DGKI: variants seen among roughly 807,000 people sequenced by gnomAD.
DGKI encodes DAG kinase iota.
Under a neutral mutation model 147.5 loss-of-function variants are expected in DGKI, and 55 were observed. The ratio of observed to expected loss-of-function variants is 0.37; its 90% CI spans 0.30 to 0.47. The LOEUF is 0.47. DGKI is among the 20% of genes least tolerant of loss of function. DGKI has a pLI of 1.00. For missense variants in DGKI, 1,007 were observed against 1,323.8 expected (o/e 0.76, Z 3.71); for synonymous variants, 469 against 477.1 (o/e 0.98, Z 0.22).
At chr7:137,407,268 TAG>T (rs1245947851) in intron 30 of DGKI, among the ~76,000 whole-genome samples, 3 of 152,238 alleles carry the variant, frequency 2.0e-5, no homozygotes, top group African/African-American at 7.2e-5. Context: ...GCAGATGCTA[TAG>T]CGCATGCTAC....
intron 28 of DGKI, among the ~76,000 whole-genome samples, chr7:137,439,314 A>G (rs943924643): frequency 6.6e-6 from 1 of 152,176 alleles, no homozygotes; most frequent in Non-Finnish European, 1.5e-5. Context: ...TCATGTTGCT[A>G]ATAAAGACAT....
At chr7:137,420,494 T>C (rs1448453901) in intron 28 of DGKI, among the ~76,000 whole-genome samples, 1 of 152,114 alleles carries the variant, frequency 6.6e-6, no homozygotes, top group East Asian at 1.9e-4. Context: ...TAATCAACAG[T>C]CTTTTTACCT....
chr7:137,410,830 G>A (rs997739895), intron 29 of DGKI, among the ~76,000 whole-genome samples: 24 of 152,196 alleles, frequency 1.6e-4, no homozygotes, highest in African/African-American at 5.3e-4. Context: ...AGGATGGTAT[G>A]GGCTTAATCC....
intron 12 of DGKI, among the ~76,000 whole-genome samples, chr7:137,590,332 T>C (rs1819563992): frequency 6.6e-6 from 1 of 152,138 alleles, no homozygotes; most frequent in Non-Finnish European, 1.5e-5. Context: ...CCAGAAAGCC[T>C]CACTCTGGTA....
At chr7:137,422,480 A>G (rs1812610294) in intron 28 of DGKI, among the ~76,000 whole-genome samples, 1 of 151,754 alleles carries the variant, frequency 6.6e-6, no homozygotes, top group Non-Finnish European at 1.5e-5. Context: ...ATATAAATTC[A>G]TTTCTAACAT....
chr7:137,428,236 G>C (rs1211362114), intron 28 of DGKI, among the ~76,000 whole-genome samples: 6 of 151,590 alleles, frequency 4.0e-5, no homozygotes, highest in African/African-American at 7.3e-5. Flanking sequence ...GGGATGCAAG[G>C]CTGGTTCAAT....
chr7:137,432,382 C>T (rs1439421840), intron 28 of DGKI, among the ~76,000 whole-genome samples: 2 of 152,136 alleles, frequency 1.3e-5, no homozygotes, highest in African/African-American at 4.8e-5. Context: ...GCAAATGAGA[C>T]ATATGAGGTC....
chr7:137,749,952 T>G (rs1415503604), intron 1 of DGKI, among the ~76,000 whole-genome samples: 1 of 151,526 alleles, frequency 6.6e-6, no homozygotes, highest in Non-Finnish European at 1.5e-5. Context: ...CTCAGTGGGG[T>G]TGGGTAGGAG....
At chr7:137,731,312 T>A (rs1459890936) in intron 1 of DGKI, among the ~76,000 whole-genome samples, 1 of 152,118 alleles carries the variant, frequency 6.6e-6, no homozygotes, top group Non-Finnish European at 1.5e-5. Context: ...GCCTACAGAT[T>A]TATTATTTGT....
rs1160968814 is a variant in DGKI at position 137,384,991 on chromosome 7, G to A, written c.*6229C>T. 10 of 152,022 alleles carry A rather than the reference G, an allele frequency of 6.6e-5. No individual in the cohort carries two copies. The highest frequency in any genetic ancestry group is 1.0e-4 in the Non-Finnish European group (7 of 67,988). 9.4% of individuals were successfully genotyped at this position (152,022 alleles called of 1,614,324 possible). A position where few individuals can be genotyped will look rare whatever the true frequency, so the allele number is the denominator to read the frequency against. ...AGAGTTTTCCATGATTGCCTTTCAT[G>A]TACATTTACTTGGCTCCCAAATACC... On this transcript the variant is annotated 3_prime_UTR_variant, in exon 33 of 33. Transcript: ENST00000614521.
In DGKI at chr7:137,381,574, C is replaced by T. The variant is rs1811062070; in HGVS notation, c.*9646G>A. 6.6e-6 allele frequency: 1 copy of T among 151,882 alleles called. No homozygotes were observed. Among genetic ancestry groups the T allele is most frequent in the South Asian group, 2.1e-4 (1 of 4,820 alleles). 9.4% of individuals were successfully genotyped at this position (151,882 alleles called of 1,614,324 possible). Reference sequence around the variant, plus strand: ...CTGGATGCCTGGGAACGTTTTCCCACTCAGAAATCAAATTAAATCAAATAT... The same window carrying T: ...CTGGATGCCTGGGAACGTTTTCCCATTCAGAAATCAAATTAAATCAAATAT... On this transcript the variant is annotated 3_prime_UTR_variant, in exon 33 of 33. Transcript: ENST00000614521.
At chr7:137,826,111 T>G (rs1179995596) in intron 1 of DGKI, among the ~76,000 whole-genome samples, 1 of 152,182 alleles carries the variant, frequency 6.6e-6, no homozygotes. Flanking sequence ...GGCCTGTGGG[T>G]CCAAGACTGT....
intron 21 of DGKI, among the ~76,000 whole-genome samples, chr7:137,514,768 C>T (rs944821560): frequency 6.6e-6 from 1 of 152,188 alleles, no homozygotes; most frequent in Non-Finnish European, 1.5e-5. Flanking sequence ...TCCAACTCTA[C>T]TACTTTAACT....
chr7:137,641,101 C>T (rs1821607733), intron 6 of DGKI, among the ~76,000 whole-genome samples: 1 of 152,150 alleles, frequency 6.6e-6, no homozygotes, highest in African/African-American at 2.4e-5. Context: ...GAATGAGTCT[C>T]ATGAGCTATG....
chr7:137,521,104 C>T lies in DGKI; in HGVS notation c.2248+762G>A, dbSNP rs193283418. Among the ~76,000 whole-genome samples, 12 of 152,076 alleles carry T rather than the reference C, an allele frequency of 7.9e-5. No individual in the cohort carries two copies. The East Asian group carries it at 1.9e-3, about 25-fold the overall frequency. ...TTGGCCCCCACAATTAGGAAGGAGC[C>T]GAGAACCCTAATATCTAACACTCTC... is the stretch of plus-strand genomic sequence containing the variant. On this transcript the variant is annotated intron_variant, in intron 21 of 32. Transcript: ENST00000614521.
intron 3 of DGKI, among the ~76,000 whole-genome samples, chr7:137,664,983 A>C (rs1438274927): frequency 6.6e-6 from 1 of 150,858 alleles, no homozygotes; most frequent in Non-Finnish European, 1.5e-5. Context: ...CACCACGTGG[A>C]TATCTGGCGG....
chr7:137,410,676 G>A (rs991547883), intron 29 of DGKI, among the ~76,000 whole-genome samples: 2 of 152,196 alleles, frequency 1.3e-5, no homozygotes, highest in Non-Finnish European at 2.9e-5. Flanking sequence ...TGAACTAAAA[G>A]CATATAGAAA....
intron 8 of DGKI, among the ~76,000 whole-genome samples, chr7:137,612,284 A>C (rs1820391910): frequency 2.1e-5 from 3 of 143,842 alleles, no homozygotes; most frequent in African/African-American, 8.0e-5. Flanking sequence ...TAGCCTCACC[A>C]AACCAAATGC....
chr7:137,730,472 T>C (rs923939649), intron 1 of DGKI, among the ~76,000 whole-genome samples: 1 of 152,100 alleles, frequency 6.6e-6, no homozygotes, highest in Admixed American at 6.6e-5. Flanking sequence ...AGTTCCTTAC[T>C]GGTTTATTCC....
Sources: allele counts gnomAD v4.1 joint callset (sites outside exome capture counted in the v4.1 genomes callset), GRCh38; gene constraint gnomAD v4.1.1; transcripts MANE v1.5; gene names NCBI Gene and HGNC (gene_info 2026-07-23, HGNC 2026-07-21).